PTPN21: variants seen among roughly 807,000 people sequenced by gnomAD.
PTPN21 encodes tyrosine-protein phosphatase non-receptor type 21.
PTPN21 carries 77 observed loss-of-function variants against 131.8 expected under a neutral mutation model. The ratio of observed to expected loss-of-function variants is 0.58; its 90% CI spans 0.49 to 0.71. The LOEUF (loss-of-function observed/expected upper bound fraction) is 0.71, where lower values mean the gene tolerates loss of function less well. Ranked by LOEUF, PTPN21 falls within the 30% of genes least tolerant of loss-of-function variation. PTPN21 has a pLI of 0.00. For synonymous variants in PTPN21, 715 were observed against 621.3 expected (o/e 1.15, Z -2.24); for missense variants, 1,552 against 1,527.1 (o/e 1.02, Z -0.27).
intron 12 of PTPN21, among the ~76,000 whole-genome samples, chr14:88,483,092 G>C (rs2077676598): frequency 6.6e-6 from 1 of 151,446 alleles, no homozygotes; most frequent in African/African-American, 2.4e-5. Flanking sequence ...GGTGCCTGTA[G>C]TCCCAGCTAC....
At chr14:88,553,800 C>T (rs1376425661) in intron 1 of PTPN21, among the ~76,000 whole-genome samples, 1 of 152,076 alleles carries the variant, frequency 6.6e-6, no homozygotes, top group Admixed American at 6.6e-5. Flanking sequence ...CAGCGTTTCC[C>T]CTTTCCTATT....
At chr14:88,490,756 C>T (rs1595364028) in intron 10 of PTPN21, among the ~76,000 whole-genome samples, 1 of 152,278 alleles carries the variant, frequency 6.6e-6, no homozygotes, top group East Asian at 1.9e-4. Flanking sequence ...CACCAGCCAT[C>T]TCACTGCGCT....
chr14:88,484,603 G>C (rs1239779885), intron 12 of PTPN21, among the ~76,000 whole-genome samples: 1 of 152,186 alleles, frequency 6.6e-6, no homozygotes. Context: ...TTTGAGACCA[G>C]TGGAGCATCA....
At chr14:88,541,852 G>C (rs1385316151) in intron 2 of PTPN21, among the ~76,000 whole-genome samples, 1 of 152,210 alleles carries the variant, frequency 6.6e-6, no homozygotes, top group Non-Finnish European at 1.5e-5. Context: ...TTTCACTCTG[G>C]GAAGTAGAAG....
chr14:88,499,816 A>T (rs1165320281), intron 8 of PTPN21, among the ~76,000 whole-genome samples: 5 of 152,216 alleles, frequency 3.3e-5, no homozygotes, highest in Non-Finnish European at 5.9e-5. Flanking sequence ...TCCAGATAAC[A>T]GATTTTAAGG....
chr14:88,495,236 T>C (rs964151868), intron 10 of PTPN21, among the ~76,000 whole-genome samples: 4 of 152,126 alleles, frequency 2.6e-5, no homozygotes, highest in Non-Finnish European at 4.4e-5. Context: ...TCATACCACA[T>C]CCAATTCATC....
At chr14:88,481,780 GT>G (rs1250453515) in intron 12 of PTPN21, among the ~76,000 whole-genome samples, 1 of 152,178 alleles carries the variant, frequency 6.6e-6, no homozygotes, top group Non-Finnish European at 1.5e-5. Context: ...GGGTGGGCGT[GT>G]CCAGCTTCCA....
chr14:88,501,671 T>C (rs370937503), intron 6 of PTPN21, among the ~76,000 whole-genome samples: 1 of 152,084 alleles, frequency 6.6e-6, no homozygotes, highest in East Asian at 1.9e-4. Flanking sequence ...AACCACCAAG[T>C]AATTGCTTAT....
intron 8 of PTPN21, among the ~76,000 whole-genome samples, 188 bp from the exon 9 acceptor site, chr14:88,497,478 A>G (rs367765693): frequency 8.5e-5 from 13 of 152,316 alleles, no homozygotes; most frequent in Non-Finnish European, 1.5e-4. Context: ...TATTAAAAAT[A>G]CAAAAACTAG....
chr14:88,539,044 C>T lies in PTPN21; in HGVS notation c.180+11194G>A, dbSNP rs566152415. 2.0e-5 allele frequency among the ~76,000 whole-genome samples: 3 copies of T among 151,738 alleles called. 1 individual carries two copies. The highest frequency in any genetic ancestry group is 7.2e-5 in the African/African-American group (3 of 41,424). On this transcript the variant is annotated intron_variant, in intron 2 of 18. Coordinates refer to ENST00000556564, the MANE Select transcript of PTPN21 (RefSeq NM_007039.4). ...AGGAGATCCTACACTTAAATACTTC[C>T]TTCACTAATAGGATTCTATCTTTGG...
chr14:88,504,748 G>A (rs946385142), intron 5 of PTPN21, among the ~76,000 whole-genome samples: 2 of 151,960 alleles, frequency 1.3e-5, no homozygotes, highest in African/African-American at 4.8e-5. Context: ...TGTCAAGTTG[G>A]TGACAGTAGT....
Position 88,479,385 on chromosome 14 carries a change from T to C in PTPN21, c.2046A>G (p.Thr682=). ...CCGCCTCCTCCGGCCCTTCTCGCTG[T>C]GTCCTCTCGGTGAAAACGCTGGGCT... ...GSQPSVFTER[T]QREGPEEAEG... The change falls in exon 13 of 19, where the codon ACA becomes ACG. Residue 682 remains threonine (T), a synonymous_variant. Coordinates refer to ENST00000556564, the MANE Select transcript of PTPN21 (RefSeq NM_007039.4). The C allele has an allele frequency of 6.2e-7, 1 of 1,607,478 alleles. No homozygotes were observed. The highest frequency in any genetic ancestry group is 8.5e-7 in the Non-Finnish European group (1 of 1,179,472).
At chr14:88,523,851 C>CA (rs2078437890) in intron 2 of PTPN21, among the ~76,000 whole-genome samples, 1 of 151,184 alleles carries the variant, frequency 6.6e-6, no homozygotes, top group Admixed American at 6.6e-5. Context: ...ATGTACATGT[C>CA]AAAAAAAGAA....
At position 88,488,527 on chromosome 14, in the gene PTPN21, A is replaced by G. The variant is rs532935994; in HGVS notation, c.933-2685T>C. Among the ~76,000 whole-genome samples, 3 of 152,380 alleles carry G rather than the reference A, an allele frequency of 2.0e-5. No homozygotes were observed. The East Asian group carries it at 5.8e-4, about 29-fold the overall frequency. ...AGACCAGCTATCCTCAGCTTGGCAT[A>G]CAAGAGAAAACCATGTAACTGTTGG... On this transcript the variant is annotated intron_variant, in intron 10 of 18. Transcript: ENST00000556564.
Position 88,485,784 on chromosome 14 carries a change from G to T in PTPN21, c.991C>A (p.Leu331Met). The change falls in exon 11 of 19, where the codon CTG (leucine) becomes ATG (methionine). Residue 331 changes from leucine to methionine, a missense_variant and splice_region_variant. Physicochemically the swap from Leu to Met is conservative, Grantham distance 15 (BLOSUM62 2). This residue lies in a region of PTPN21 where 1,016 missense variants were observed against 883.5 expected (regional missense o/e 1.15). Coordinates refer to ENST00000556564, the MANE Select transcript of PTPN21 (RefSeq NM_007039.4). ...ATCATATTTTCCTTGTTTCTTACCA[G>T]AGACATCCTTGAAGAAGACCTCCTC... ...IRRRSSSRMSLPKPQPYVMPP... is the reference protein window; with the variant it reads ...IRRRSSSRMSMPKPQPYVMPP... 6.3e-7 allele frequency: 1 copy of T among 1,599,600 alleles called. No homozygotes were observed. The highest frequency in any genetic ancestry group is 8.6e-7 in the Non-Finnish European group (1 of 1,167,710).
intron 2 of PTPN21, among the ~76,000 whole-genome samples, chr14:88,528,383 C>A (rs1175987172): frequency 6.6e-6 from 1 of 152,086 alleles, no homozygotes; most frequent in Non-Finnish European, 1.5e-5. Flanking sequence ...TGGGTATATT[C>A]CTAAGTATTT....
At position 88,469,551 on chromosome 14, in the gene PTPN21, T is replaced by C. The variant is rs143037645; in HGVS notation, c.3183A>G (p.Gln1061=). 3.1e-5 allele frequency: 50 copies of C among 1,614,198 alleles called. No homozygotes were observed. Among genetic ancestry groups the C allele is most frequent in the African/African-American group, 8.0e-5 (6 of 75,046 alleles). Residue 1061 remains glutamine, a synonymous_variant, in exon 17 of 19, where the codon CAA becomes CAG. Coordinates refer to ENST00000556564, the MANE Select transcript of PTPN21 (RefSeq NM_007039.4). This position sits in a 1 kb window ranked among gnomAD's most constrained non-coding sequence, Gnocchi z 4.3. ...TGQERTVWHL[Q]YTDWPEHGCP... is the part of the protein sequence containing the mutation. Reference sequence around the variant, plus strand: ...AGCCATGTTCAGGCCAGTCTGTGTATTGGAGGTGCCAGACGGTCCTCTCTT... The same window carrying C: ...AGCCATGTTCAGGCCAGTCTGTGTACTGGAGGTGCCAGACGGTCCTCTCTT...
At chr14:88,520,799 T>C (rs1029862497) in intron 2 of PTPN21, among the ~76,000 whole-genome samples, 23 of 152,196 alleles carry the variant, frequency 1.5e-4, no homozygotes, top group African/African-American at 5.1e-4. Context: ...GTCATGAGGA[T>C]TGGATACGGG....
rs976618472 is a variant in PTPN21 at position 88,554,952 on chromosome 14, C to G, written c.-504G>C. On this transcript the variant is annotated 5_prime_UTR_variant, in exon 1 of 19. Coordinates refer to ENST00000556564, the MANE Select transcript of PTPN21 (RefSeq NM_007039.4). ...GGGGGTGGCAGGAGGACGGACAGAC[C>G]GTCGGACCGACGCGGGACGCGCGGC... Among the ~76,000 whole-genome samples, 1 of 151,632 alleles carries G rather than the reference C, an allele frequency of 6.6e-6. No homozygotes were observed. Among genetic ancestry groups the G allele is most frequent in the Non-Finnish European group, 1.5e-5 (1 of 67,848 alleles).
Sources: allele counts gnomAD v4.1 joint callset (sites outside exome capture counted in the v4.1 genomes callset), GRCh38; gene constraint gnomAD v4.1.1; regional missense constraint gnomAD v4.1.1; non-coding constraint Gnocchi (gnomAD v3.1); transcripts MANE v1.5; gene names NCBI Gene and HGNC (gene_info 2026-07-23, HGNC 2026-07-21).